Variants in ADGRG3 observed in about 807,000 individuals in gnomAD.
ADGRG3 encodes G protein-coupled receptor 97.
A neutral mutation model predicts 54.3 loss-of-function variants in ADGRG3; 39 were observed. The observed-to-expected ratio is 0.72, with a 90% CI of 0.56 to 0.94. The LOEUF (loss-of-function observed/expected upper bound fraction) is 0.94. Ranked by LOEUF, ADGRG3 falls within the 40% of genes least tolerant of loss-of-function variation. The probability of loss-of-function intolerance (pLI) is 0.00; values close to 1 mark genes in which losing one functional copy is unlikely to be tolerated. For missense variants in ADGRG3, 654 were observed against 694.6 expected (o/e 0.94, Z 0.66); for synonymous variants, 312 against 290.0 (o/e 1.08, Z -0.77).
chr16:57,685,470 A>T (rs1425596789), intron 10 of ADGRG3, among the ~76,000 whole-genome samples, 173 bp from the exon 11 acceptor site: 3 of 152,326 alleles, frequency 2.0e-5, no homozygotes, highest in Middle Eastern at 3.4e-3. Context: ...GGCATTAAAG[A>T]GACACCAGAC....
At chr16:57,686,982 A>C (rs1597784005) in intron 11 of ADGRG3, among the ~76,000 whole-genome samples, 1 of 152,198 alleles carries the variant, frequency 6.6e-6, no homozygotes, top group African/African-American at 2.4e-5. Flanking sequence ...TCACAGTCTG[A>C]CTGTGAGAGA....
At chr16:57,672,374 T>G (rs1341061906) in intron 1 of ADGRG3, among the ~76,000 whole-genome samples, 1 of 151,950 alleles carries the variant, frequency 6.6e-6, no homozygotes, top group African/African-American at 2.4e-5. Context: ...AATTAAAACA[T>G]TTTTTCCTTA....
chr16:57,685,769 C>A lies in ADGRG3; in HGVS notation c.1383C>A (p.Ser461=), dbSNP rs773464640. 276 of 1,614,062 alleles carry A rather than the reference C, an allele frequency of 1.7e-4. No homozygotes were observed. The highest frequency in any genetic ancestry group is 2.2e-4 in the Non-Finnish European group (263 of 1,180,042). The change falls in exon 11 of 12, where the codon TCC becomes TCA. Residue 461 remains serine, a synonymous_variant. Coordinates refer to ENST00000333493, the MANE Select transcript of ADGRG3 (RefSeq NM_170776.5). ...ALVVWKIFTL[S]RATAVKERGK... ...TGGTCTGGAAGATCTTCACCCTGTC[C>A]CGTGCTACAGCGGTCAAGGAGCGGG...
intron 5 of ADGRG3, 149 bp downstream of exon 5, chr16:57,679,460 A>G: frequency 2.2e-6 from 2 of 902,936 alleles, no homozygotes; most frequent in Admixed American, 4.9e-5. Context: ...CATACACATA[A>G]TTGGATCCAA....
Position 57,684,075 on chromosome 16 carries a change from G to A in ADGRG3, c.1025G>A (p.Gly342Glu). 2 of 1,614,046 alleles carry A rather than the reference G, an allele frequency of 1.2e-6. No individual in the cohort carries two copies. The highest frequency in any genetic ancestry group is 1.1e-5 in the South Asian group (1 of 91,084). ...KGSDAACWAR[G>E]AVFHYFLLCA... ...TCTGATGCTGCCTGCTGGGCCCGGG[G>A]GGCTGTCTTCCACTACTTCCTGCTC... The change falls in exon 9 of 12, where the codon GGG (glycine) becomes GAG (glutamate). Residue 342 changes from glycine (G) to glutamate (E), a missense_variant. Gly to Glu is a moderately conservative substitution (Grantham distance 98, BLOSUM62 -2). Coordinates refer to ENST00000333493, the MANE Select transcript of ADGRG3 (RefSeq NM_170776.5).
At chr16:57,688,230 C>T in intron 11 of ADGRG3, 122 bp from the exon 12 acceptor site, 9 of 676,280 alleles carry the variant, frequency 1.3e-5, no homozygotes, top group South Asian at 5.1e-5. Flanking sequence ...GCATTTTTGC[C>T]TTTCCCAGCA....
chr16:57,673,272 CT>C (rs779036361), intron 1 of ADGRG3, 48 bp from the exon 2 acceptor site: 13 of 1,570,132 alleles, frequency 8.3e-6, no homozygotes, highest in Non-Finnish European at 1.1e-5. Flanking sequence ...CTCATCCTTG[CT>C]GCCCATCTTC....
rs2048296681 is a variant in ADGRG3, at chr16:57,678,150, T to C, written c.346-20T>C. On this transcript the variant is annotated intron_variant, in intron 3 of 11. Coordinates refer to ENST00000333493, the MANE Select transcript of ADGRG3 (RefSeq NM_170776.5). ...TTGGGGGGTGGGTACAGATGGGAGCTGCTGTGTCTGTGGTTGTAGGTTCCG... is the reference window on the plus strand; with the variant it reads ...TTGGGGGGTGGGTACAGATGGGAGCCGCTGTGTCTGTGGTTGTAGGTTCCG... The C allele has an allele frequency of 1.2e-6, 2 of 1,612,906 alleles. No homozygotes were observed. Among genetic ancestry groups the C allele is most frequent in the Non-Finnish European group, 1.7e-6 (2 of 1,179,436 alleles).
At chr16:57,679,730 C>T (rs1245214339) in intron 5 of ADGRG3, 86 bp from the exon 6 acceptor site, 31 of 1,039,360 alleles carry the variant, frequency 3.0e-5, no homozygotes, top group African/African-American at 7.8e-5. Flanking sequence ...CACTAGGACT[C>T]GGGGGAGCAC....
rs2048424019 is a variant in ADGRG3, at chr16:57,683,968, A to C, written c.918A>C (p.Pro306=). 1.3e-6 allele frequency: 2 copies of C among 1,583,956 alleles called. No individual in the cohort carries two copies. The highest frequency in any genetic ancestry group is 1.7e-6 in the Non-Finnish European group (2 of 1,162,380). The change falls in exon 9 of 12, where the codon CCA becomes CCC. Residue 306 remains proline (P), a synonymous_variant. Coordinates refer to ENST00000333493, the MANE Select transcript of ADGRG3 (RefSeq NM_170776.5). ...AGAGGTTCAAGTCAGAAGATGCCCC[A>C]AAGATCCACGTGGCCCTGGGTGGCA... ...SRERFKSEDA[P]KIHVALGGSL...
At chr16:57,666,526 A>T (rs575001305), upstream of ADGRG3, among the ~76,000 whole-genome samples, 6 of 152,274 alleles carry the variant, frequency 3.9e-5, no homozygotes, top group Admixed American at 3.9e-4. Flanking sequence ...GGAGCAGCTG[A>T]GGGCTGAATG....
upstream of ADGRG3, among the ~76,000 whole-genome samples, chr16:57,667,609 G>A (rs1203468281): frequency 6.6e-6 from 1 of 152,224 alleles, no homozygotes; most frequent in Non-Finnish European, 1.5e-5. Flanking sequence ...GTGCATGCAA[G>A]GTCACCCGGC....
At chr16:57,675,034 A>G (rs2148699739) in intron 2 of ADGRG3, among the ~76,000 whole-genome samples, 1 of 148,866 alleles carries the variant, frequency 6.7e-6, no homozygotes, top group Non-Finnish European at 1.5e-5. Context: ...CAGCAGCAGC[A>G]GCATCTTGTA....
intron 1 of ADGRG3, 106 bp downstream of exon 1, chr16:57,668,511 G>A (rs2148689584): frequency 9.2e-7 from 1 of 1,091,480 alleles, no homozygotes; most frequent in South Asian, 1.4e-5. Context: ...TGAGGAGTTG[G>A]GGTGTCTGGG....
Position 57,678,258 on chromosome 16 carries a change from G to T in ADGRG3, c.434G>T (p.Arg145Met). The part of the protein sequence containing the change: ...KSLFRSLPGN[R>M]SVVRLAVTIL... ...CTTTTTCGATCCCTGCCAGGCAACA[G>T]GTCTGTGGTCCGCTTGGCCGTCACC... The change falls in exon 4 of 12, where the codon AGG becomes ATG. Residue 145 changes from arginine to methionine, a missense_variant. Transcript: ENST00000333493. 1.2e-6 allele frequency: 2 copies of T among 1,614,216 alleles called. No individual in the cohort carries two copies. The highest frequency in any genetic ancestry group is 8.5e-7 in the Non-Finnish European group (1 of 1,180,020).
intron 8 of ADGRG3, among the ~76,000 whole-genome samples, chr16:57,680,933 G>A (rs112115535): frequency 1.3e-5 from 2 of 152,240 alleles, no homozygotes; most frequent in African/African-American, 4.8e-5. Context: ...TTCGATCCAG[G>A]GGGTCAAAAG....
At position 57,676,419 on chromosome 16, in the gene ADGRG3, A is replaced by G. The variant is rs1026448587; in HGVS notation, c.345+81A>G. 2.3e-4 allele frequency: 308 copies of G among 1,331,924 alleles called. 2 individuals carry two copies. Among genetic ancestry groups the G allele is most frequent in the South Asian group, 2.3e-4 (18 of 78,832 alleles). The allele number at this position is 1,331,924 out of a possible 1,614,324, so 82.5% of individuals were successfully genotyped here. ...TATTTCAAAACTCTAAGAGAGTTATATCCTGTGATATAACTAGGGCTTGTC... is the reference window on the plus strand; with the variant it reads ...TATTTCAAAACTCTAAGAGAGTTATGTCCTGTGATATAACTAGGGCTTGTC... On this transcript the variant is annotated intron_variant, in intron 3 of 11. Coordinates refer to ENST00000333493, the MANE Select transcript of ADGRG3 (RefSeq NM_170776.5).
Position 57,679,234 on chromosome 16 carries a change from TTGAG to T in ADGRG3, c.553_556del (p.Ser185TrpfsTer26). ...CGTGTTGAACAATCGCCTGGTGGGT[TTGAG>T]TGTGGGACAAATGCATGTCACCAAG... is the stretch of plus-strand genomic sequence containing the variant. On this transcript the variant is annotated frameshift_variant, in exon 5 of 12. Transcript: ENST00000333493. LOFTEE classifies it high-confidence loss of function. 1 of 1,614,024 alleles carries T rather than the reference TTGAG, an allele frequency of 6.2e-7. No individual in the cohort carries two copies. The highest frequency in any genetic ancestry group is 8.5e-7 in the Non-Finnish European group (1 of 1,179,922).
chr16:57,674,771 G>T (rs931309656), intron 2 of ADGRG3: 18 of 186,264 alleles, frequency 9.7e-5, no homozygotes, highest in African/African-American at 3.1e-4. Context: ...ATCACTTGAG[G>T]TCGGGAGTTT....
Sources: allele counts gnomAD v4.1 joint callset (sites outside exome capture counted in the v4.1 genomes callset), GRCh38; gene constraint gnomAD v4.1.1; transcripts MANE v1.5; gene names NCBI Gene and HGNC (gene_info 2026-07-23, HGNC 2026-07-21).